Variants in PNPLA8 observed in about 807,000 individuals in gnomAD.
The protein encoded by PNPLA8 is calcium-independent phospholipase A2-gamma.
In PNPLA8, 39 loss-of-function variants were observed where a neutral mutation model predicts 76.9. The observed-to-expected ratio is 0.51, with a 90% CI of 0.39 to 0.66. The LOEUF (loss-of-function observed/expected upper bound fraction) is 0.66. PNPLA8 is among the 30% of genes least tolerant of loss of function. The probability of loss-of-function intolerance (pLI) is 0.00; values close to 1 mark genes in which losing one functional copy is unlikely to be tolerated. For synonymous variants in PNPLA8, 301 were observed against 307.9 expected, an observed-to-expected ratio of 0.98 and a Z score of 0.24; for missense variants, 887 against 918.0, an observed-to-expected ratio of 0.97 and a Z score of 0.44.
At chr7:108,475,617 T>G (rs1430953597) in intron 10 of PNPLA8, among the ~76,000 whole-genome samples, 1 of 152,220 alleles carries the variant, frequency 6.6e-6, no homozygotes, top group African/African-American at 2.4e-5. Flanking sequence ...TAGTTTTCAC[T>G]GTTCAGATCT....
At chr7:108,485,439 T>C (rs772615932) in intron 9 of PNPLA8, among the ~76,000 whole-genome samples, 1 of 152,140 alleles carries the variant, frequency 6.6e-6, no homozygotes, top group South Asian at 2.1e-4. Context: ...CTTTCAATAA[T>C]TGCTCAAATA....
Position 108,487,848 on chromosome 7 carries a change from A to G in PNPLA8, c.1789T>C (p.Cys597Arg). ...ATGGCCTGCCACATTTTATACTGACAGCCTCCCAAATAATGAGAGTTGATT... is the reference window on the plus strand; with the variant it reads ...ATGGCCTGCCACATTTTATACTGACGGCCTCCCAAATAATGAGAGTTGATT... ...PGINSHYLGG[C>R]QYKMWQAIRA... Residue 597 changes from cysteine to arginine, a missense_variant, in exon 9 of 11, where the codon TGT becomes CGT. Coordinates refer to ENST00000257694, the MANE Select transcript of PNPLA8 (RefSeq NM_001256007.3). 6.2e-7 allele frequency: 1 copy of G among 1,613,496 alleles called. No individual in the cohort carries two copies. Among genetic ancestry groups the G allele is most frequent in the Non-Finnish European group, 8.5e-7 (1 of 1,179,460 alleles).
intron 4 of PNPLA8, among the ~76,000 whole-genome samples, chr7:108,513,237 A>T (rs918968346): frequency 1.3e-5 from 2 of 152,196 alleles, no homozygotes; most frequent in Non-Finnish European, 2.9e-5. Context: ...ACTTAAAAGC[A>T]TATGTATATT....
chr7:108,489,440 C>T (rs6964631), intron 8 of PNPLA8, among the ~76,000 whole-genome samples: 15,407 of 152,222 alleles, frequency 0.1, 815 homozygotes, highest in Non-Finnish European at 0.11. Context: ...TACTCAATGG[C>T]CTTCACATTG....
chr7:108,508,776 T>C (rs1345957395), intron 4 of PNPLA8, among the ~76,000 whole-genome samples: 1 of 151,950 alleles, frequency 6.6e-6, no homozygotes, highest in Non-Finnish European at 1.5e-5. Flanking sequence ...CTTCAAACTA[T>C]ACTACAAGGC....
At chr7:108,526,553 A>G (rs1162988557), upstream of PNPLA8, among the ~76,000 whole-genome samples, 3 of 152,178 alleles carry the variant, frequency 2.0e-5, no homozygotes, top group Admixed American at 6.5e-5. Flanking sequence ...CGCGTCCCTG[A>G]AGCCCCTGCC....
At chr7:108,496,910 T>C (rs1861589473) in intron 6 of PNPLA8, among the ~76,000 whole-genome samples, 155 bp from the exon 7 acceptor site, 1 of 152,166 alleles carries the variant, frequency 6.6e-6, no homozygotes, top group African/African-American at 2.4e-5. Context: ...GCCCCATTTG[T>C]TTCAGGGGTA....
At chr7:108,516,825 C>T (rs1294280905) in intron 2 of PNPLA8, among the ~76,000 whole-genome samples, 1 of 152,068 alleles carries the variant, frequency 6.6e-6, no homozygotes, top group Non-Finnish European at 1.5e-5. Flanking sequence ...TCACTTGAAT[C>T]CAGGAGGCAG....
At chr7:108,510,938 G>A in intron 4 of PNPLA8, 10 of 1,574,466 alleles carry the variant, frequency 6.4e-6, no homozygotes, top group Non-Finnish European at 7.8e-6. Flanking sequence ...TGGCAACAGG[G>A]AGGACCAGAT....
At chr7:108,505,331 TATATATATATATA>T (rs1563967753) in intron 4 of PNPLA8, among the ~76,000 whole-genome samples, 2 of 9,646 alleles carry the variant, frequency 2.1e-4, no homozygotes, top group African/African-American at 1.1e-3. Context: ...TATATATATA[TATATATATATATA>T]TATATATATT....
intron 4 of PNPLA8, among the ~76,000 whole-genome samples, chr7:108,511,949 A>G (rs1862963722): frequency 6.6e-6 from 1 of 152,230 alleles, no homozygotes; most frequent in Admixed American, 6.5e-5. Context: ...CCAAGCATAC[A>G]GAAGGTTGTA....
intron 2 of PNPLA8, among the ~76,000 whole-genome samples, chr7:108,520,884 C>T (rs1297828044): frequency 1.3e-5 from 2 of 151,900 alleles, no homozygotes; most frequent in Non-Finnish European, 2.9e-5. Flanking sequence ...ATACATACAC[C>T]TTTATCTGGC....
chr7:108,515,356 G>A lies in PNPLA8; in HGVS notation c.136C>T (p.Leu46=). 6.2e-7 allele frequency: 1 copy of A among 1,613,524 alleles called. No homozygotes were observed. Among genetic ancestry groups the A allele is most frequent in the Non-Finnish European group, 8.5e-7 (1 of 1,179,684 alleles). The part of the protein sequence containing the change: ...KHYWRISHIS[L]QRGFHTNIIR... ...ATGTTTGTATGAAAACCTCTTTGTAGACTGATGTGGCTTATCCTCCAGTAA... is the reference window on the plus strand; with the variant it reads ...ATGTTTGTATGAAAACCTCTTTGTAAACTGATGTGGCTTATCCTCCAGTAA... The change falls in exon 3 of 11, where the codon CTA becomes TTA. Residue 46 remains leucine (L), a synonymous_variant. Coordinates refer to ENST00000257694, the MANE Select transcript of PNPLA8 (RefSeq NM_001256007.3).
At position 108,487,847 on chromosome 7, in the gene PNPLA8, C is replaced by G; in HGVS notation, c.1790G>C (p.Cys597Ser). ...PGINSHYLGG[C>S]QYKMWQAIRA... ...AATGGCCTGCCACATTTTATACTGA[C>G]AGCCTCCCAAATAATGAGAGTTGAT... Residue 597 changes from cysteine to serine, a missense_variant, in exon 9 of 11, where the codon TGT becomes TCT. Transcript: ENST00000257694. The G allele has an allele frequency of 1.2e-6, 2 of 1,613,472 alleles. No individual in the cohort carries two copies. The highest frequency in any genetic ancestry group is 1.7e-6 in the Non-Finnish European group (2 of 1,179,454).
intron 2 of PNPLA8, chr7:108,518,365 G>A (rs1331196506): frequency 6.6e-6 from 1 of 152,114 alleles, no homozygotes; most frequent in Non-Finnish European, 1.5e-5. Context: ...TAAATAGGTA[G>A]GGGACAGAGG....
chr7:108,513,335 T>A (rs1863073183), intron 4 of PNPLA8, among the ~76,000 whole-genome samples: 1 of 152,112 alleles, frequency 6.6e-6, no homozygotes, highest in Non-Finnish European at 1.5e-5. Flanking sequence ...CTACCTATAA[T>A]AATGTATGTG....
chr7:108,472,398 T>G lies in PNPLA8; in HGVS notation c.*3A>C. On this transcript the variant is annotated 3_prime_UTR_variant, in exon 11 of 11. Transcript: ENST00000257694. ...CATTTATGAGAACATAAGCATATAC[T>G]CATCACAATTTTGAAAAGAATGGAA... is the stretch of plus-strand genomic sequence containing the variant. 1 of 1,548,698 alleles carries G rather than the reference T, an allele frequency of 6.5e-7. No homozygotes were observed. The highest frequency in any genetic ancestry group is 8.8e-7 in the Non-Finnish European group (1 of 1,141,110).
intron 10 of PNPLA8, among the ~76,000 whole-genome samples, chr7:108,478,973 T>C (rs1193587803): frequency 2.6e-5 from 4 of 152,232 alleles, no homozygotes; most frequent in Admixed American, 1.3e-4. Context: ...AAGGTAGCAC[T>C]ATCTCTCAAA....
At chr7:108,480,071 A>G (rs978151466) in intron 9 of PNPLA8, among the ~76,000 whole-genome samples, 1 of 152,182 alleles carries the variant, frequency 6.6e-6, no homozygotes, top group African/African-American at 2.4e-5. Flanking sequence ...TTGTATTTAA[A>G]ATCTAGAAAA....
Sources: allele counts gnomAD v4.1 joint callset (sites outside exome capture counted in the v4.1 genomes callset), GRCh38; gene constraint gnomAD v4.1.1; transcripts MANE v1.5; gene names NCBI Gene and HGNC (gene_info 2026-07-23, HGNC 2026-07-21).